Variants in PLEKHA6 observed in about 807,000 individuals in gnomAD.
PLEKHA6 encodes the protein pleckstrin homology domain-containing family A member 6.
Under a neutral mutation model 116.7 loss-of-function variants are expected in PLEKHA6, and 60 were observed. That is an observed-to-expected ratio of 0.51 (90% CI 0.42 to 0.64). PLEKHA6 has a LOEUF of 0.64. PLEKHA6 is among the 30% of genes least tolerant of loss of function. PLEKHA6 has a pLI of 0.00. For synonymous variants in PLEKHA6, 489 were observed against 556.1 expected (o/e 0.88, Z 1.70); for missense variants, 1,338 against 1,422.7 (o/e 0.94, Z 0.96).
At chr1:204,256,714 C>A in intron 9 of PLEKHA6, 1 of 462,836 alleles carries the variant, frequency 2.2e-6, no homozygotes, top group Admixed American at 4.0e-5. Context: ...CACAGAGCGT[C>A]CCTGGAGTCC....
chr1:204,354,555 T>C (rs1293943456), intron 1 of PLEKHA6, among the ~76,000 whole-genome samples: 3 of 152,234 alleles, frequency 2.0e-5, no homozygotes, highest in Non-Finnish European at 4.4e-5. Flanking sequence ...TCCATGTACA[T>C]TACTCACCTA....
At chr1:204,276,332 C>G (rs1363665642) in intron 1 of PLEKHA6, among the ~76,000 whole-genome samples, 2 of 152,140 alleles carry the variant, frequency 1.3e-5, no homozygotes. Flanking sequence ...CTCCCCACTT[C>G]CCAAACTTTA....
At chr1:204,335,013 T>C (rs1326098936) in intron 1 of PLEKHA6, among the ~76,000 whole-genome samples, 1 of 152,174 alleles carries the variant, frequency 6.6e-6, no homozygotes, top group Non-Finnish European at 1.5e-5. Flanking sequence ...CCAGAATTTA[T>C]TCCCCTTGTC....
chr1:204,344,596 T>C (rs1357154339), intron 1 of PLEKHA6, among the ~76,000 whole-genome samples: 5 of 39,460 alleles, frequency 1.3e-4, no homozygotes, highest in African/African-American at 4.7e-4. Context: ...TGAGACTCCA[T>C]CTCAAAAAAA....
chr1:204,245,995 T>C (rs1352702495), intron 13 of PLEKHA6, among the ~76,000 whole-genome samples: 2 of 152,112 alleles, frequency 1.3e-5, no homozygotes, highest in South Asian at 2.1e-4. Flanking sequence ...CCTTCCGAGC[T>C]CCCTCAGGGG....
At chr1:204,294,681 G>A (rs11240716) in intron 1 of PLEKHA6, among the ~76,000 whole-genome samples, 26,804 of 152,068 alleles carry the variant, frequency 0.18, 3,170 homozygotes, top group East Asian at 0.59. Flanking sequence ...TTCCAATCCC[G>A]GCTCCACCAG....
At chr1:204,337,284 G>A (rs1012838984) in intron 1 of PLEKHA6, among the ~76,000 whole-genome samples, 1 of 152,136 alleles carries the variant, frequency 6.6e-6, no homozygotes, top group Non-Finnish European at 1.5e-5. Flanking sequence ...CAGAGAATGA[G>A]GAGACCAGAG....
intron 10 of PLEKHA6, among the ~76,000 whole-genome samples, chr1:204,250,321 G>A (rs764535239): frequency 1.3e-5 from 2 of 151,848 alleles, no homozygotes; most frequent in African/African-American, 2.4e-5. Flanking sequence ...GGAAGGGTGA[G>A]TGGGTGGTAG....
intron 9 of PLEKHA6, among the ~76,000 whole-genome samples, chr1:204,255,471 G>A (rs533865651): frequency 1.2e-3 from 183 of 152,314 alleles, no homozygotes; most frequent in African/African-American, 4.1e-3. Context: ...AAGAGAAGGG[G>A]TGTGTAGGCG....
intron 1 of PLEKHA6, among the ~76,000 whole-genome samples, chr1:204,302,371 G>A (rs1005842696): frequency 1.3e-5 from 2 of 152,168 alleles, no homozygotes; most frequent in African/African-American, 4.8e-5. Flanking sequence ...ATGTTGCCCA[G>A]GCTGGTCTTT....
intron 1 of PLEKHA6, among the ~76,000 whole-genome samples, chr1:204,311,027 G>C (rs1363250577): frequency 6.6e-6 from 1 of 152,162 alleles, no homozygotes; most frequent in African/African-American, 2.4e-5. Context: ...CCCAGAATGA[G>C]AGCCTCCCAC....
Position 204,259,589 on chromosome 1 carries a change from G to C in PLEKHA6, c.676C>G (p.Pro226Ala). The change falls in exon 8 of 23, where the codon CCA becomes GCA. Residue 226 changes from proline (P) to alanine (A), a missense_variant. By Grantham distance (27) the Pro-to-Ala change is conservative. Transcript: ENST00000272203. The surrounding 1 kb of genome is among the most constrained non-coding windows in gnomAD (Gnocchi z 4.6). The stretch of plus-strand genomic sequence containing the variant: ...ACCGGAGGCTCTTTCTTGACTTCTG[G>C]CCTCTCAGGCCTTCTCTCTGCCTTC... The part of the protein sequence containing the change: ...CEKAERRPER[P>A]EVKKEPPVKA... 1 of 1,614,040 alleles carries C rather than the reference G, an allele frequency of 6.2e-7. No homozygotes were observed.
At position 204,376,751 on chromosome 1, in the gene PLEKHA6, T is replaced by A. The variant is rs1673877341; in HGVS notation, c.83+832A>T. ...ATGAAGGGGTTGTTTCTAAGATTCC[T>A]TGTAGCTCCGATGTTTTTAAGTGGC... On this transcript the variant is annotated intron_variant, in intron 1 of 4. Transcript: ENST00000564627. 3.9e-5 allele frequency among the ~76,000 whole-genome samples: 6 copies of A among 152,216 alleles called. No individual in the cohort carries two copies. The South Asian group carries it at 1.2e-3, about 32-fold the overall frequency.
intron 1 of PLEKHA6, chr1:204,275,697 G>A (rs1667930348): frequency 1.4e-5 from 14 of 985,068 alleles, no homozygotes; most frequent in Non-Finnish European, 1.7e-5. Context: ...GAGCGCAGAG[G>A]GGCTGATGCA....
At position 204,234,986 on chromosome 1, in the gene PLEKHA6, ATATATATATATATATATATATATATAT is replaced by A. The variant is rs1558031235; in HGVS notation, c.2410-4427_2410-4401del. The stretch of plus-strand genomic sequence containing the variant: ...TATATATATATATATATATATATAT[ATATATATATATATATATATATATATAT>A]CTAATAGCAGATATATATATATATC... On this transcript the variant is annotated intron_variant, in intron 17 of 22. Transcript: ENST00000272203. Among the ~76,000 whole-genome samples the A allele has an allele frequency of 9.6e-4, 17 of 17,758 alleles. 1 individual carries two copies. The highest frequency in any genetic ancestry group is 5.4e-3 in the African/African-American group (13 of 2,392). 11.6% of individuals were successfully genotyped at this position (17,758 alleles called of 152,430 possible). A position where few individuals can be genotyped will look rare whatever the true frequency, so the allele number is the denominator to read the frequency against.
At chr1:204,295,050 C>A (rs1015735059) in intron 1 of PLEKHA6, among the ~76,000 whole-genome samples, 1 of 152,178 alleles carries the variant, frequency 6.6e-6, no homozygotes, top group Non-Finnish European at 1.5e-5. Flanking sequence ...GGAGCCAGAA[C>A]AATTAACACC....
chr1:204,275,437 T>C (rs892975736), intron 1 of PLEKHA6, among the ~76,000 whole-genome samples: 1 of 152,102 alleles, frequency 6.6e-6, no homozygotes, highest in Non-Finnish European at 1.5e-5. Context: ...CAGTGCTGGC[T>C]CAACAGTCCA....
chr1:204,312,308 A>G (rs1671684405), intron 1 of PLEKHA6, among the ~76,000 whole-genome samples: 1 of 152,236 alleles, frequency 6.6e-6, no homozygotes, highest in South Asian at 2.1e-4. Context: ...GATAAACGGC[A>G]CACAGCAATC....
At chr1:204,304,409 T>C (rs912400799) in intron 1 of PLEKHA6, among the ~76,000 whole-genome samples, 11 of 152,326 alleles carry the variant, frequency 7.2e-5, no homozygotes, top group African/African-American at 2.6e-4. Flanking sequence ...AAGATGGTAG[T>C]GACAAGATCA....
Sources: allele counts gnomAD v4.1 joint callset (sites outside exome capture counted in the v4.1 genomes callset), GRCh38; gene constraint gnomAD v4.1.1; non-coding constraint Gnocchi (gnomAD v3.1); transcripts MANE v1.5; gene names NCBI Gene and HGNC (gene_info 2026-07-23, HGNC 2026-07-21).